Variants in ZBTB16 observed in about 807,000 individuals in gnomAD.
ZBTB16 encodes the protein zinc finger and BTB domain-containing protein 16.
ZBTB16 carries 8 observed loss-of-function variants against 56.8 expected under a neutral mutation model. The ratio of observed to expected loss-of-function variants is 0.14; its 90% CI spans 0.08 to 0.25. ZBTB16 has a LOEUF of 0.25. Among genes scored for constraint, ZBTB16 ranks in the 10% least tolerant of loss-of-function variants. The pLI is 1.00. For synonymous variants in ZBTB16, 363 were observed against 368.5 expected (o/e 0.98, Z 0.17); for missense variants, 625 against 903.0 (o/e 0.69, Z 3.95).
intron 2 of ZBTB16, among the ~76,000 whole-genome samples, chr11:114,135,125 G>C (rs148457066): frequency 6.6e-6 from 1 of 152,152 alleles, no homozygotes; most frequent in African/African-American, 2.4e-5. Context: ...GGATCATGCC[G>C]GGGGGAACTA....
chr11:114,132,353 T>C (rs1468038856), intron 2 of ZBTB16, among the ~76,000 whole-genome samples: 1 of 152,202 alleles, frequency 6.6e-6, no homozygotes, highest in African/African-American at 2.4e-5. Flanking sequence ...GCAAGACTGA[T>C]TGATTTTCTG....
At position 114,235,705 on chromosome 11, in the gene ZBTB16, TTTCTTTCTTTCTTTTTC is replaced by T. The variant is rs1245011908; in HGVS notation, c.1454-6459_1454-6443del. On this transcript the variant is annotated intron_variant, in intron 4 of 6. Coordinates refer to ENST00000335953, the MANE Select transcript of ZBTB16 (RefSeq NM_006006.6). ...TTCTTTCTTTCTTTTCTTTCTTTCT[TTTCTTTCTTTCTTTTTC>T]TTTCTTTCTTTCTTTTCTTTTCTTT... is the stretch of plus-strand genomic sequence containing the variant. Among the ~76,000 whole-genome samples, 1,344 of 135,298 alleles carry T rather than the reference TTTCTTTCTTTCTTTTTC, an allele frequency of 9.9e-3. 46 individuals carry two copies. The highest frequency in any genetic ancestry group is 0.052 in the Admixed American group (687 of 13,142). 88.8% of individuals were successfully genotyped at this position (135,298 alleles called of 152,430 possible). A position where few individuals can be genotyped will look rare whatever the true frequency, so the allele number is the denominator to read the frequency against.
intron 4 of ZBTB16, among the ~76,000 whole-genome samples, chr11:114,218,874 A>G (rs1944165730): frequency 6.6e-6 from 1 of 152,250 alleles, no homozygotes; most frequent in Admixed American, 6.5e-5. Flanking sequence ...CGGTGCTTTT[A>G]TATTCTGCAA....
intron 3 of ZBTB16, among the ~76,000 whole-genome samples, chr11:114,171,702 A>G (rs1942973419): frequency 1.3e-5 from 2 of 152,182 alleles, no homozygotes; most frequent in Non-Finnish European, 2.9e-5. Flanking sequence ...GGGAGCATAC[A>G]TAGAGTTCAC....
At chr11:114,066,628 A>G (rs1250630378) in intron 2 of ZBTB16, among the ~76,000 whole-genome samples, 1 of 152,176 alleles carries the variant, frequency 6.6e-6, no homozygotes, top group Non-Finnish European at 1.5e-5. Flanking sequence ...CCCCTTCAGC[A>G]AGACCCTCAT....
At chr11:114,073,828 G>A (rs1360232407) in intron 2 of ZBTB16, among the ~76,000 whole-genome samples, 3 of 152,112 alleles carry the variant, frequency 2.0e-5, no homozygotes, top group Non-Finnish European at 4.4e-5. Flanking sequence ...AGGGCCATTC[G>A]GTTCCCCCAG....
intron 1 of ZBTB16, among the ~76,000 whole-genome samples, chr11:114,062,291 CG>C (rs1288128557): frequency 4.6e-5 from 7 of 151,156 alleles, no homozygotes; most frequent in Non-Finnish European, 1.0e-4. Context: ...TTTGTAGAGA[CG>C]GGGCTTCTCC....
chr11:114,167,383 TTTG>T (rs201984077), intron 3 of ZBTB16, among the ~76,000 whole-genome samples: 3,634 of 83,346 alleles, frequency 0.044, 81 homozygotes, highest in African/African-American at 0.13. Flanking sequence ...GGCGAGTTTT[TTTG>T]TTTTTTTTTT....
intron 2 of ZBTB16, among the ~76,000 whole-genome samples, chr11:114,128,134 C>T (rs1314864671): frequency 6.6e-6 from 1 of 152,240 alleles, no homozygotes; most frequent in Non-Finnish European, 1.5e-5. Flanking sequence ...AACTCAGTCT[C>T]GTCTGGTCCC....
At chr11:114,108,972 A>G (rs933011654) in intron 2 of ZBTB16, among the ~76,000 whole-genome samples, 5 of 152,080 alleles carry the variant, frequency 3.3e-5, no homozygotes, top group Admixed American at 3.3e-4. Context: ...CGCTCTGCCT[A>G]CCTCCTGCGT....
Position 114,063,698 on chromosome 11 carries a change from C to T in ZBTB16, c.398C>T (p.Thr133Met), listed in dbSNP as rs370480903. The change falls in exon 2 of 7, where the codon ACG (threonine) becomes ATG (methionine). Residue 133 changes from threonine to methionine, a missense_variant. Thr to Met is a moderately conservative substitution (Grantham distance 81, BLOSUM62 -1). This residue lies in a region of ZBTB16 where 384 missense variants were observed against 393.5 expected (regional missense o/e 0.98). Coordinates refer to ENST00000335953, the MANE Select transcript of ZBTB16 (RefSeq NM_006006.6). This position sits in a 1 kb window ranked among gnomAD's most constrained non-coding sequence, Gnocchi z 6.5. ...ATCCAGGCCTCAGACGACAATGACACGGAGGCCACCATGGCCGATGGCGGG... is the reference window on the plus strand; with the variant it reads ...ATCCAGGCCTCAGACGACAATGACATGGAGGCCACCATGGCCGATGGCGGG... ...ETIQASDDNDTEATMADGGAE... is the reference protein window; with the variant it reads ...ETIQASDDNDMEATMADGGAE... 12 of 1,614,064 alleles carry T rather than the reference C, an allele frequency of 7.4e-6. No homozygotes were observed. The highest frequency in any genetic ancestry group is 5.3e-5 in the African/African-American group (4 of 75,056).
chr11:114,205,464 A>G (rs1943844912), intron 4 of ZBTB16, among the ~76,000 whole-genome samples: 1 of 152,156 alleles, frequency 6.6e-6, no homozygotes, highest in East Asian at 1.9e-4. Context: ...TAGCTAACAG[A>G]GAGATTGTAG....
intron 2 of ZBTB16, among the ~76,000 whole-genome samples, chr11:114,123,931 G>T (rs551728562): frequency 6.6e-6 from 1 of 152,136 alleles, no homozygotes; most frequent in Non-Finnish European, 1.5e-5. Context: ...GATACGTGCC[G>T]CAACAGAGAC....
At chr11:114,240,497 C>G (rs552754664) in intron 4 of ZBTB16, among the ~76,000 whole-genome samples, 3 of 147,700 alleles carry the variant, frequency 2.0e-5, no homozygotes, top group African/African-American at 5.0e-5. Flanking sequence ...GCTAGGCCTA[C>G]TTACGTTTCC....
chr11:114,130,293 GA>G (rs1226486466), intron 2 of ZBTB16, among the ~76,000 whole-genome samples: 2 of 152,194 alleles, frequency 1.3e-5, no homozygotes, highest in African/African-American at 4.8e-5. Flanking sequence ...TGTCTTTGGA[GA>G]GAGCTGAAAA....
At chr11:114,170,379 C>T (rs998071405) in intron 3 of ZBTB16, among the ~76,000 whole-genome samples, 1 of 152,214 alleles carries the variant, frequency 6.6e-6, no homozygotes, top group Non-Finnish European at 1.5e-5. Flanking sequence ...CCTCGGACCA[C>T]GTGGGTGAAG....
intron 3 of ZBTB16, among the ~76,000 whole-genome samples, chr11:114,170,342 G>A (rs116666289): frequency 0.024 from 3,699 of 152,242 alleles, 136 homozygotes; most frequent in African/African-American, 0.078. Flanking sequence ...ATCCGAGGAC[G>A]GTCTCAGGAC....
intron 4 of ZBTB16, among the ~76,000 whole-genome samples, chr11:114,202,311 G>A (rs1224800519): frequency 6.6e-6 from 1 of 152,192 alleles, no homozygotes; most frequent in African/African-American, 2.4e-5. Flanking sequence ...AATATCAACA[G>A]TAGTGGGGCA....
At position 114,120,858 on chromosome 11, in the gene ZBTB16, G is replaced by T. The variant is rs146516853; in HGVS notation, c.1269-35479G>T. Among the ~76,000 whole-genome samples the T allele has an allele frequency of 1.9e-3, 291 of 152,290 alleles. 1 individual carries two copies. Among genetic ancestry groups the T allele is most frequent in the African/African-American group, 6.8e-3 (284 of 41,566 alleles). ...GAAAGGGGAAGGAGAGCAGGGCAGCGTGGATGCTGGACCTGTCTCCTCTTC... is the reference window on the plus strand; with the variant it reads ...GAAAGGGGAAGGAGAGCAGGGCAGCTTGGATGCTGGACCTGTCTCCTCTTC... On this transcript the variant is annotated intron_variant, in intron 2 of 6. Coordinates refer to ENST00000335953, the MANE Select transcript of ZBTB16 (RefSeq NM_006006.6).
Sources: allele counts gnomAD v4.1 joint callset (sites outside exome capture counted in the v4.1 genomes callset), GRCh38; gene constraint gnomAD v4.1.1; regional missense constraint gnomAD v4.1.1; non-coding constraint Gnocchi (gnomAD v3.1); transcripts MANE v1.5; gene names NCBI Gene and HGNC (gene_info 2026-07-23, HGNC 2026-07-21).